Variants in F8 observed in about 807,000 individuals in gnomAD.
F8 encodes coagulation factor VIII.
F8 carries 12 observed loss-of-function variants against 140.6 expected under a neutral mutation model. That is an observed-to-expected ratio of 0.09 (90% CI 0.05 to 0.14). F8 has a LOEUF of 0.14. Ranked by LOEUF, F8 falls within the 10% of genes least tolerant of loss-of-function variation. The probability of loss-of-function intolerance (pLI) is 1.00; values close to 1 mark genes in which losing one functional copy is unlikely to be tolerated. For missense variants in F8, 1,354 were observed against 1,720.7 expected, an observed-to-expected ratio of 0.79 and a Z score of 3.77; for synonymous variants, 585 against 614.6, an observed-to-expected ratio of 0.95 and a Z score of 0.71.
chrX:154,850,508 C>G (rs782330265), intron 25 of F8, among the ~76,000 whole-genome samples: 31 of 94,500 alleles, frequency 3.3e-4, no homozygotes, highest in African/African-American at 1.0e-3. Flanking sequence ...GAGGCAGGGT[C>G]TTGTTCTGTT....
chrX:155,022,397 G>A lies in F8; in HGVS notation c.143+13C>T, dbSNP rs1557287571. ...TCCTGGCCCCGATCAGACCCTACAG[G>A]ACATGCCTTTACCTTGCGTCCACAG... On this transcript the variant is annotated intron_variant, in intron 1 of 25. Transcript: ENST00000360256. The A allele has an allele frequency of 8.3e-7, 1 of 1,206,117 alleles. No homozygotes were observed. The highest frequency in any genetic ancestry group is 1.1e-6 in the Non-Finnish European group (1 of 893,410).
intron 25 of F8, among the ~76,000 whole-genome samples, chrX:154,848,808 C>T (rs1054411317): frequency 1.3e-4 from 14 of 111,057 alleles, no homozygotes; most frequent in Non-Finnish European, 1.9e-4. Context: ...ACCCACTGTC[C>T]GACAAGCCAC....
intron 9 of F8, among the ~76,000 whole-genome samples, chrX:154,964,632 A>G (rs1473277180): frequency 1.8e-5 from 2 of 112,031 alleles, no homozygotes; most frequent in African/African-American, 6.5e-5. Context: ...CATTTGGGAA[A>G]ATTTCTATTT....
chrX:154,914,192 C>A (rs1290183456), intron 14 of F8, among the ~76,000 whole-genome samples: 1 of 112,815 alleles, frequency 8.9e-6, no homozygotes, highest in East Asian at 2.8e-4. Context: ...GTGGCTGGGA[C>A]ACAGGGCACC....
chrX:155,004,816 G>C (rs2073667544), intron 1 of F8, among the ~76,000 whole-genome samples: 1 of 112,022 alleles, frequency 8.9e-6, no homozygotes, highest in Admixed American at 9.4e-5. Context: ...CTACCCACTT[G>C]ATAGAGTGGT....
rs782151704 is a variant in F8, at chrX:154,900,779, G to A, written c.6187+592C>T. Among the ~76,000 whole-genome samples, 43 of 111,406 alleles carry A rather than the reference G, an allele frequency of 3.9e-4. 1 individual carries two copies. Among genetic ancestry groups the A allele is most frequent in the African/African-American group, 1.4e-3 (43 of 30,652 alleles). On this transcript the variant is annotated intron_variant, in intron 20 of 25. Coordinates refer to ENST00000360256, the MANE Select transcript of F8 (RefSeq NM_000132.4). ...ATCATTTAGGCTTTGCATATTATAT[G>A]GTCTCTGTTGCAACTATGTTACTGC...
At chrX:154,970,533 C>T (rs782523632) in intron 6 of F8, among the ~76,000 whole-genome samples, 1 of 111,759 alleles carries the variant, frequency 8.9e-6, no homozygotes, top group East Asian at 2.8e-4. Context: ...AAGACTTTTA[C>T]CCACAAAGAA....
chrX:154,957,439 G>T (rs2073370934), intron 10 of F8, among the ~76,000 whole-genome samples: 1 of 111,775 alleles, frequency 8.9e-6, no homozygotes, highest in South Asian at 3.7e-4. Flanking sequence ...TTAAGGTGTA[G>T]TCTCTGACTT....
chrX:154,847,190 G>A (rs190966557), intron 25 of F8, among the ~76,000 whole-genome samples: 38 of 112,172 alleles, frequency 3.4e-4, no homozygotes, highest in East Asian at 1.1e-3. Context: ...CGGGTAACCC[G>A]AACTTTCTGT....
chrX:154,998,010 A>T (rs182332470), intron 2 of F8, among the ~76,000 whole-genome samples: 219 of 112,643 alleles, frequency 1.9e-3, no homozygotes, highest in African/African-American at 6.7e-3. Flanking sequence ...CAGTCTGTTG[A>T]ATGAACTGGA....
At chrX:154,997,823 A>G (rs1557285240) in intron 2 of F8, among the ~76,000 whole-genome samples, 1 of 111,890 alleles carries the variant, frequency 8.9e-6, no homozygotes, top group Non-Finnish European at 1.9e-5. Flanking sequence ...TTGGAGGAAC[A>G]GTCAACAGGA....
chrX:154,983,065 A>G (rs782672069), intron 6 of F8, among the ~76,000 whole-genome samples: 13 of 112,121 alleles, frequency 1.2e-4, no homozygotes, highest in African/African-American at 4.2e-4. Flanking sequence ...CAACCCCCAC[A>G]TTGTTCAAGG....
intron 13 of F8, among the ~76,000 whole-genome samples, chrX:154,943,749 C>T (rs1046766164): frequency 2.7e-5 from 3 of 111,650 alleles, no homozygotes; most frequent in South Asian, 3.8e-4. Context: ...GGAGGCATCA[C>T]GCTCCCTGAC....
intron 13 of F8, among the ~76,000 whole-genome samples, chrX:154,944,426 C>T (rs371191025): frequency 4.0e-4 from 45 of 111,147 alleles, no homozygotes; most frequent in Non-Finnish European, 6.8e-4. Context: ...AAAATGCTCA[C>T]CATCACTGGC....
At chrX:154,999,239 G>A (rs2073634050) in intron 2 of F8, among the ~76,000 whole-genome samples, 1 of 109,837 alleles carries the variant, frequency 9.1e-6, no homozygotes, top group Non-Finnish European at 1.9e-5. Flanking sequence ...GTCATAACAT[G>A]TTGTTACATA....
At chrX:155,007,266 A>G (rs1203722330) in intron 1 of F8, among the ~76,000 whole-genome samples, 1 of 112,687 alleles carries the variant, frequency 8.9e-6, no homozygotes, top group Non-Finnish European at 1.9e-5. Flanking sequence ...CACATATAAA[A>G]ATGACTCTGG....
At chrX:154,839,426 C>A (rs782713624) in intron 25 of F8, among the ~76,000 whole-genome samples, 2 of 106,508 alleles carry the variant, frequency 1.9e-5, no homozygotes, top group African/African-American at 6.9e-5. Context: ...GCAGTGGCAC[C>A]ATCTCGGCTC....
At chrX:154,917,487 T>C (rs1401831512) in intron 14 of F8, among the ~76,000 whole-genome samples, 1 of 112,167 alleles carries the variant, frequency 8.9e-6, no homozygotes, top group Non-Finnish European at 1.9e-5. Context: ...CTTACATCTC[T>C]CTGTAGGTTT....
chrX:154,865,413 A>G (rs2072724242), intron 22 of F8, among the ~76,000 whole-genome samples: 1 of 111,458 alleles, frequency 9.0e-6, no homozygotes, highest in South Asian at 3.7e-4. Context: ...ATATAAAGAG[A>G]AACATAGACT....
Sources: allele counts gnomAD v4.1 joint callset (sites outside exome capture counted in the v4.1 genomes callset), GRCh38; gene constraint gnomAD v4.1.1; transcripts MANE v1.5; gene names NCBI Gene and HGNC (gene_info 2026-07-23, HGNC 2026-07-21).